The following ST6GALNAC3 variants were observed in gnomAD, a reference collection of about 807,000 sequenced individuals.
The protein encoded by ST6GALNAC3 is alpha-N-acetylgalactosaminide alpha-2,6-sialyltransferase 3.
A neutral mutation model predicts 32.7 loss-of-function variants in ST6GALNAC3; 25 were observed. The observed-to-expected ratio is 0.76, with a 90% CI of 0.56 to 1.07. ST6GALNAC3 has a LOEUF of 1.07. Ranked by LOEUF, ST6GALNAC3 falls within the 50% of genes least tolerant of loss-of-function variation. The pLI, the probability that ST6GALNAC3 is intolerant of heterozygous loss-of-function variation, is 0.00. For synonymous variants in ST6GALNAC3, 129 were observed against 133.1 expected (o/e 0.97, Z 0.21); for missense variants, 355 against 382.4 (o/e 0.93, Z 0.60).
intron 2 of ST6GALNAC3, among the ~76,000 whole-genome samples, chr1:76,379,893 C>T (rs1046923920): frequency 1.3e-5 from 2 of 151,972 alleles, no homozygotes; most frequent in Admixed American, 6.6e-5. Flanking sequence ...TTTGATGAGG[C>T]GAAACAGGAG....
intron 3 of ST6GALNAC3, among the ~76,000 whole-genome samples, chr1:76,507,051 C>CA (rs1661520616): frequency 6.6e-6 from 1 of 152,132 alleles, no homozygotes; most frequent in African/African-American, 2.4e-5. Context: ...ATTTCACAAA[C>CA]AGACAAAACT....
Position 76,360,858 on chromosome 1 carries a change from A to G in ST6GALNAC3, c.213+46859A>G, listed in dbSNP as rs140027895. Reference sequence around the variant, plus strand: ...TGGCCTTCTGGGAGTCAGAGTCTCAATTTCAAGGAAAATTTAAACCTTTCC... The same window carrying G: ...TGGCCTTCTGGGAGTCAGAGTCTCAGTTTCAAGGAAAATTTAAACCTTTCC... On this transcript the variant is annotated intron_variant, in intron 2 of 4. Transcript: ENST00000328299. 1.4e-4 allele frequency among the ~76,000 whole-genome samples: 22 copies of G among 152,280 alleles called. 1 individual carries two copies. The East Asian group carries it at 4.1e-3, about 28-fold the overall frequency.
At chr1:76,452,879 A>T (rs1052414747) in intron 3 of ST6GALNAC3, among the ~76,000 whole-genome samples, 3 of 152,180 alleles carry the variant, frequency 2.0e-5, no homozygotes, top group Non-Finnish European at 2.9e-5. Context: ...TGAATGTCTG[A>T]TAGAATTCAG....
intron 2 of ST6GALNAC3, among the ~76,000 whole-genome samples, chr1:76,316,014 G>A (rs949954272): frequency 6.6e-6 from 1 of 152,090 alleles, no homozygotes; most frequent in Non-Finnish European, 1.5e-5. Flanking sequence ...AATCTCATTA[G>A]TAATCATGGT....
chr1:76,313,214 CATTT>C (rs1039227691), intron 1 of ST6GALNAC3, among the ~76,000 whole-genome samples: 9 of 151,964 alleles, frequency 5.9e-5, no homozygotes, highest in African/African-American at 2.2e-4. Flanking sequence ...TTTATTCATT[CATTT>C]GTTTCACTCA....
intron 2 of ST6GALNAC3, among the ~76,000 whole-genome samples, chr1:76,403,069 A>G (rs1329105009): frequency 6.6e-6 from 1 of 152,088 alleles, no homozygotes; most frequent in Non-Finnish European, 1.5e-5. Context: ...ATCTGTATTG[A>G]GTGAATGGCA....
chr1:76,595,500 A>G (rs1226393313), intron 3 of ST6GALNAC3, among the ~76,000 whole-genome samples: 1 of 152,050 alleles, frequency 6.6e-6, no homozygotes, highest in East Asian at 1.9e-4. Context: ...GCAATGTTTA[A>G]CTGGTGTTAT....
At chr1:76,569,130 G>A (rs1025455131) in intron 3 of ST6GALNAC3, among the ~76,000 whole-genome samples, 3 of 152,076 alleles carry the variant, frequency 2.0e-5, no homozygotes, top group African/African-American at 7.2e-5. Context: ...AATGAATGAA[G>A]GGCCATATAC....
intron 1 of ST6GALNAC3, among the ~76,000 whole-genome samples, chr1:76,253,128 T>C (rs143104071): frequency 6.8e-4 from 103 of 152,222 alleles, no homozygotes; most frequent in Non-Finnish European, 1.3e-3. Flanking sequence ...TACACACATA[T>C]ATACACTAAA....
chr1:76,271,829 G>A (rs79412138), intron 1 of ST6GALNAC3, among the ~76,000 whole-genome samples: 6,170 of 152,238 alleles, frequency 0.041, 150 homozygotes, highest in Non-Finnish European at 0.064. Context: ...TGGCAGTAGA[G>A]GTGGTGAGAA....
At chr1:76,588,580 C>T (rs750090045) in intron 3 of ST6GALNAC3, among the ~76,000 whole-genome samples, 2 of 152,212 alleles carry the variant, frequency 1.3e-5, no homozygotes, top group Non-Finnish European at 2.9e-5. Flanking sequence ...TCCCTCCCTT[C>T]CTCTACTCTG....
chr1:76,210,456 C>G (rs985180718), intron 1 of ST6GALNAC3, among the ~76,000 whole-genome samples: 2 of 152,146 alleles, frequency 1.3e-5, no homozygotes, highest in Non-Finnish European at 2.9e-5. Context: ...TATATTGAAC[C>G]AAGTCTAATA....
intron 1 of ST6GALNAC3, among the ~76,000 whole-genome samples, chr1:76,276,003 T>C (rs960729228): frequency 3.9e-5 from 6 of 152,150 alleles, no homozygotes; most frequent in African/African-American, 9.7e-5. Context: ...GGGAAATAGC[T>C]AGCATTTCCA....
chr1:76,229,471 T>C (rs973155327), intron 1 of ST6GALNAC3, among the ~76,000 whole-genome samples: 1 of 152,154 alleles, frequency 6.6e-6, no homozygotes, highest in Non-Finnish European at 1.5e-5. Context: ...GGATAAAGCT[T>C]TCCCACTTCT....
At chr1:76,556,938 TTGCCTAA>T (rs1331847719) in intron 3 of ST6GALNAC3, among the ~76,000 whole-genome samples, 1 of 152,078 alleles carries the variant, frequency 6.6e-6, no homozygotes, top group Non-Finnish European at 1.5e-5. Flanking sequence ...TTAAAAAGGC[TTGCCTAA>T]TCCAAAGTAA....
chr1:76,316,483 G>A (rs1446208780), intron 2 of ST6GALNAC3, among the ~76,000 whole-genome samples: 1 of 152,068 alleles, frequency 6.6e-6, no homozygotes, highest in Non-Finnish European at 1.5e-5. Context: ...TGACCACATG[G>A]AAGATAAAGC....
chr1:76,634,153 G>A lies in ST6GALNAC3; in HGVS notation c.*5347G>A, dbSNP rs1649431265. ...ATACATCTCTTTTTGTTCACGCCTT[G>A]AAGACTTCAGAAAAATAGAAGCTCA... On this transcript the variant is annotated 3_prime_UTR_variant, in exon 5 of 5. Coordinates refer to ENST00000328299, the MANE Select transcript of ST6GALNAC3 (RefSeq NM_152996.4). 1 of 983,870 alleles carries A rather than the reference G, an allele frequency of 1.0e-6. No homozygotes were observed. Among genetic ancestry groups the A allele is most frequent in the Non-Finnish European group, 1.2e-6 (1 of 829,632 alleles). 60.9% of individuals were successfully genotyped at this position (983,870 alleles called of 1,614,324 possible).
At chr1:76,419,348 G>C (rs758457001) in intron 3 of ST6GALNAC3, among the ~76,000 whole-genome samples, 16 of 152,122 alleles carry the variant, frequency 1.1e-4, no homozygotes, top group Non-Finnish European at 1.9e-4. Context: ...TCTAGATGTA[G>C]TGGCTTTTAA....
chr1:76,580,065 T>A (rs4598537), intron 3 of ST6GALNAC3, among the ~76,000 whole-genome samples: 121,880 of 151,918 alleles, frequency 0.8, 48,999 homozygotes, highest in East Asian at 0.99. Flanking sequence ...CCAAGGGAGG[T>A]TAAACTCTTG....
Sources: allele counts gnomAD v4.1 joint callset (sites outside exome capture counted in the v4.1 genomes callset), GRCh38; gene constraint gnomAD v4.1.1; transcripts MANE v1.5; gene names NCBI Gene and HGNC (gene_info 2026-07-23, HGNC 2026-07-21).